The following HNRNPLL variants were observed in gnomAD, a reference collection of about 807,000 sequenced individuals.
HNRNPLL encodes heterogeneous nuclear ribonucleoprotein L-like.
HNRNPLL carries 25 observed loss-of-function variants against 67.1 expected under a neutral mutation model. The observed-to-expected ratio is 0.37, with a 90% confidence interval of 0.27 to 0.52. HNRNPLL has a LOEUF of 0.52. HNRNPLL is among the 20% of genes least tolerant of loss of function. The pLI is 0.90. For synonymous variants in HNRNPLL, 267 were observed against 241.7 expected, an observed-to-expected ratio of 1.10 and a Z score of -0.97; for missense variants, 542 against 673.9, an observed-to-expected ratio of 0.80 and a Z score of 2.17.
intron 6 of HNRNPLL, among the ~76,000 whole-genome samples, chr2:38,579,153 G>C (rs1308935840): frequency 6.6e-6 from 1 of 152,106 alleles, no homozygotes; most frequent in Admixed American, 6.6e-5. Context: ...TGCTATAAAG[G>C]AAAGAGAACT....
chr2:38,578,781 T>A (rs371987864), intron 6 of HNRNPLL, among the ~76,000 whole-genome samples: 5 of 152,086 alleles, frequency 3.3e-5, no homozygotes, highest in African/African-American at 1.2e-4. Flanking sequence ...TGTATAGAAA[T>A]TGATCCTCTA....
chr2:38,572,444 C>A (rs1343024039), intron 8 of HNRNPLL, among the ~76,000 whole-genome samples: 4 of 152,054 alleles, frequency 2.6e-5, no homozygotes, highest in Admixed American at 2.0e-4. Flanking sequence ...AGGAAAAAAA[C>A]ACATTACTAC....
At chr2:38,600,098 A>G (rs1052815450) in intron 1 of HNRNPLL, 4 of 212,108 alleles carry the variant, frequency 1.9e-5, no homozygotes, top group Non-Finnish European at 3.1e-5. Flanking sequence ...AGTTGCCATG[A>G]TTTCAAAATA....
chr2:38,576,882 C>T (rs947011059), intron 7 of HNRNPLL, among the ~76,000 whole-genome samples: 2 of 151,860 alleles, frequency 1.3e-5, no homozygotes, highest in African/African-American at 2.4e-5. Flanking sequence ...TGATACCTAA[C>T]GTTACCTAAT....
chr2:38,568,318 C>G (rs572727921), intron 11 of HNRNPLL, 21 bp from the exon 12 acceptor site: 1 of 1,608,578 alleles, frequency 6.2e-7, no homozygotes, highest in South Asian at 1.1e-5. Context: ...AAAACACAAA[C>G]TCAGTTATTA....
intron 1 of HNRNPLL, among the ~76,000 whole-genome samples, chr2:38,596,171 TC>T (rs1452081957): frequency 1.3e-5 from 2 of 152,144 alleles, no homozygotes; most frequent in Non-Finnish European, 2.9e-5. Context: ...AGCTTCGTTT[TC>T]CCCCTTTTCC....
intron 1 of HNRNPLL, among the ~76,000 whole-genome samples, chr2:38,594,058 C>G (rs1187353848): frequency 1.3e-5 from 2 of 150,868 alleles, no homozygotes; most frequent in African/African-American, 4.9e-5. Context: ...GCCTGTAGTA[C>G]CAGCTACTCT....
intron 2 of HNRNPLL, 32 bp downstream of exon 2, chr2:38,591,498 T>A (rs1244184397): frequency 1.8e-6 from 2 of 1,093,964 alleles, no homozygotes; most frequent in African/African-American, 3.1e-5. Context: ...TACCACAGTT[T>A]TCAATCTACA....
chr2:38,586,944 A>G (rs1280499647), intron 2 of HNRNPLL, among the ~76,000 whole-genome samples: 1 of 152,226 alleles, frequency 6.6e-6, no homozygotes, highest in Non-Finnish European at 1.5e-5. Context: ...CAGGAAATGA[A>G]GAATAAGAAA....
At chr2:38,587,454 T>C (rs930194435) in intron 2 of HNRNPLL, among the ~76,000 whole-genome samples, 3 of 152,176 alleles carry the variant, frequency 2.0e-5, no homozygotes, top group Non-Finnish European at 2.9e-5. Context: ...AGGGGACTTA[T>C]TAGTTTTCCC....
intron 6 of HNRNPLL, 189 bp downstream of exon 6, chr2:38,581,724 A>G (rs1666535427): frequency 1.6e-6 from 1 of 606,116 alleles, no homozygotes; most frequent in East Asian, 2.7e-5. Flanking sequence ...TAAATAGCTC[A>G]GTACATACCA....
At chr2:38,590,083 C>CAA (rs1666899621) in intron 2 of HNRNPLL, among the ~76,000 whole-genome samples, 2 of 152,294 alleles carry the variant, frequency 1.3e-5, no homozygotes, top group South Asian at 4.1e-4. Context: ...ATATAATCAA[C>CAA]TTAGTGATAC....
At chr2:38,566,213 C>A in intron 12 of HNRNPLL, 1 of 284,160 alleles carries the variant, frequency 3.5e-6, no homozygotes, top group Non-Finnish European at 5.3e-6. Flanking sequence ...AACAAAAATA[C>A]AAAAATTAGC....
rs1666003297 is a variant in HNRNPLL at position 38,569,884 on chromosome 2, T to G, written c.1134A>C (p.Glu378Asp). Residue 378 changes from glutamate to aspartate, a missense_variant, in exon 9 of 13, where the codon GAA (glutamate) becomes GAC (aspartate). Physicochemically the swap from Glu to Asp is conservative, Grantham distance 45. Transcript: ENST00000449105. Reference protein sequence around the residue: ...MKTIPGTALVEMGDEYAVERA... With the variant: ...MKTIPGTALVDMGDEYAVERA... ...TTTCTACAGCATACTCATCACCCAT[T>G]TCTACCAGTGCTGTACCAGGAATGG... 1 of 1,592,372 alleles carries G rather than the reference T, an allele frequency of 6.3e-7. No homozygotes were observed. The highest frequency in any genetic ancestry group is 8.6e-7 in the Non-Finnish European group (1 of 1,162,354).
intron 2 of HNRNPLL, among the ~76,000 whole-genome samples, chr2:38,591,274 A>G (rs145496235): frequency 6.6e-6 from 1 of 152,298 alleles, no homozygotes; most frequent in East Asian, 1.9e-4. Flanking sequence ...AGCACACATA[A>G]TTTCTTTATA....
chr2:38,581,115 G>C (rs563900612), intron 6 of HNRNPLL: 33 of 152,288 alleles, frequency 2.2e-4, no homozygotes, highest in African/African-American at 7.0e-4. Flanking sequence ...GTGTGGATTG[G>C]TTGAGCATTA....
intron 7 of HNRNPLL, among the ~76,000 whole-genome samples, chr2:38,574,997 A>G (rs1666244602): frequency 6.6e-6 from 1 of 151,748 alleles, no homozygotes; most frequent in African/African-American, 2.4e-5. Context: ...ATGACATTTC[A>G]CTATCATCAC....
intron 8 of HNRNPLL, 96 bp from the exon 9 acceptor site, chr2:38,570,021 A>C: frequency 1.3e-6 from 1 of 790,950 alleles, no homozygotes; most frequent in African/African-American, 1.8e-5. Flanking sequence ...TTAAAGTAAA[A>C]TACGGAAGAT....
chr2:38,602,923 A>T lies in HNRNPLL; in HGVS notation c.-297T>A. On this transcript the variant is annotated 5_prime_UTR_variant, in exon 1 of 13. Transcript: ENST00000449105. ...GCTCCCTGCCCGGAGGAGCGAATCT[A>T]AGGATGGGGACGCAACCGTGGCTTC... 1 of 1,501,422 alleles carries T rather than the reference A, an allele frequency of 6.7e-7. No individual in the cohort carries two copies. Among genetic ancestry groups the T allele is most frequent in the Non-Finnish European group, 9.1e-7 (1 of 1,103,682 alleles). The allele number at this position is 1,501,422 out of a possible 1,614,324, so 93.0% of individuals were successfully genotyped here. A position where few individuals can be genotyped will look rare whatever the true frequency, so the allele number is the denominator to read the frequency against.
Sources: gnomAD v4.1 joint callset for allele counts (sites outside exome capture counted in the v4.1 genomes callset) on GRCh38, gnomAD v4.1.1 for gene constraint, MANE v1.5 for transcripts, NCBI Gene and HGNC (gene_info 2026-07-23, HGNC 2026-07-21) for gene names.